The following GLDC variants were observed in gnomAD, a reference collection of about 807,000 sequenced individuals.
The protein encoded by GLDC is glycine dehydrogenase (decarboxylating), mitochondrial.
Under a neutral mutation model 121.3 loss-of-function variants are expected in GLDC, and 104 were observed. The ratio of observed to expected loss-of-function variants is 0.86; its 90% CI spans 0.73 to 1.01. The LOEUF is 1.01. GLDC is among the 50% of genes least tolerant of loss of function. The pLI is 0.00. For missense variants in GLDC, 1,429 were observed against 1,306.6 expected, an observed-to-expected ratio of 1.09 and a Z score of -1.44; for synonymous variants, 546 against 480.6, an observed-to-expected ratio of 1.14 and a Z score of -1.78.
At chr9:6,610,597 T>G (rs899068675) in intron 3 of GLDC, among the ~76,000 whole-genome samples, 2 of 152,208 alleles carry the variant, frequency 1.3e-5, no homozygotes, top group African/African-American at 4.8e-5. Context: ...GTTGTTTTTT[T>G]GTTTTTTGTT....
Position 6,532,790 on chromosome 9 carries a change from C to T in GLDC, c.*227G>A. Reference sequence around the variant, plus strand: ...AACACAAAATGGCTCCCAATCCAGGCAACTGGCACATGTGGAAGCAGAATA... The same window carrying T: ...AACACAAAATGGCTCCCAATCCAGGTAACTGGCACATGTGGAAGCAGAATA... On this transcript the variant is annotated 3_prime_UTR_variant, in exon 25 of 25. Coordinates refer to ENST00000321612, the MANE Select transcript of GLDC (RefSeq NM_000170.3). 1.8e-6 allele frequency: 1 copy of T among 540,838 alleles called. No individual in the cohort carries two copies. Among genetic ancestry groups the T allele is most frequent in the Non-Finnish European group, 3.3e-6 (1 of 300,286 alleles). The allele number at this position is 540,838 out of a possible 1,614,324, so 33.5% of individuals were successfully genotyped here. A position where few individuals can be genotyped will look rare whatever the true frequency, so the allele number is the denominator to read the frequency against.
At chr9:6,605,561 C>T (rs1051587200) in intron 5 of GLDC, among the ~76,000 whole-genome samples, 3 of 152,126 alleles carry the variant, frequency 2.0e-5, no homozygotes, top group African/African-American at 7.2e-5. Context: ...GCATTGCTTC[C>T]TAGGGCTAAT....
intron 21 of GLDC, among the ~76,000 whole-genome samples, chr9:6,547,746 C>T (rs756290809): frequency 1.8e-4 from 27 of 152,300 alleles, no homozygotes; most frequent in Middle Eastern, 3.4e-3. Flanking sequence ...CATGGCACAT[C>T]TACACAATGG....
intron 17 of GLDC, among the ~76,000 whole-genome samples, chr9:6,557,293 T>C (rs934322762): frequency 6.6e-6 from 1 of 152,170 alleles, no homozygotes; most frequent in Admixed American, 6.5e-5. Flanking sequence ...ACTATTGTCA[T>C]TTAAAAAGAT....
intron 4 of GLDC, among the ~76,000 whole-genome samples, chr9:6,607,443 C>G (rs1439622453): frequency 6.6e-6 from 1 of 151,600 alleles, no homozygotes; most frequent in Admixed American, 6.6e-5. Flanking sequence ...CGTAGCCAGG[C>G]ATGGTGGTGC....
chr9:6,554,577 C>T, intron 19 of GLDC, 92 bp downstream of exon 19: 4 of 903,438 alleles, frequency 4.4e-6, no homozygotes, highest in South Asian at 1.4e-5. Flanking sequence ...ATCCTCAACA[C>T]ATGAAGACTT....
chr9:6,609,979 C>T (rs983304263), intron 4 of GLDC, among the ~76,000 whole-genome samples: 1 of 152,142 alleles, frequency 6.6e-6, no homozygotes, highest in East Asian at 1.9e-4. Context: ...CTTCCCCAAC[C>T]CCAACCAAAA....
intron 21 of GLDC, among the ~76,000 whole-genome samples, chr9:6,545,663 CAG>C (rs1339079571): frequency 6.6e-6 from 1 of 152,106 alleles, no homozygotes; most frequent in Non-Finnish European, 1.5e-5. Flanking sequence ...ATTTTTGAGA[CAG>C]AGTCTCAATC....
intron 15 of GLDC, among the ~76,000 whole-genome samples, chr9:6,571,678 G>C (rs918030502): frequency 6.6e-6 from 1 of 152,138 alleles, no homozygotes; most frequent in Non-Finnish European, 1.5e-5. Flanking sequence ...AGATGCTGCA[G>C]GGTTTCATCA....
At chr9:6,548,713 C>G (rs1227342530) in intron 21 of GLDC, among the ~76,000 whole-genome samples, 1 of 152,190 alleles carries the variant, frequency 6.6e-6, no homozygotes, top group Non-Finnish European at 1.5e-5. Flanking sequence ...GTCTGTCTCT[C>G]TGATCTAAGC....
chr9:6,639,585 G>A (rs1819583526), intron 2 of GLDC: 4 of 738,744 alleles, frequency 5.4e-6, no homozygotes, highest in Non-Finnish European at 7.4e-6. Context: ...TGCTTTGGAT[G>A]TTGCCAACAA....
intron 1 of GLDC, among the ~76,000 whole-genome samples, 190 bp downstream of exon 1, chr9:6,645,055 G>T (rs1819712848): frequency 6.6e-6 from 1 of 152,256 alleles, no homozygotes; most frequent in African/African-American, 2.4e-5. Flanking sequence ...GCAGGAGAAA[G>T]TAAGCTGTTA....
intron 8 of GLDC, among the ~76,000 whole-genome samples, 192 bp from the exon 9 acceptor site, chr9:6,595,311 C>T (rs1226127590): frequency 6.6e-6 from 1 of 152,208 alleles, no homozygotes; most frequent in East Asian, 1.9e-4. Flanking sequence ...TCATCCAAGA[C>T]ACCCTGGAGT....
rs1262739023 is a variant in GLDC at position 6,600,377 on chromosome 9, G to GAAA, written c.1155+1729_1155+1731dup. Among the ~76,000 whole-genome samples, 34 of 111,216 alleles carry GAAA rather than the reference G, an allele frequency of 3.1e-4. 4 individuals are homozygous for GAAA. Among genetic ancestry groups the GAAA allele is most frequent in the Admixed American group, 2.5e-3 (26 of 10,482 alleles). 73.0% of individuals were successfully genotyped at this position (111,216 alleles called of 152,430 possible). A position where few individuals can be genotyped will look rare whatever the true frequency, so the allele number is the denominator to read the frequency against. On this transcript the variant is annotated intron_variant, in intron 8 of 24. Coordinates refer to ENST00000321612, the MANE Select transcript of GLDC (RefSeq NM_000170.3). The stretch of plus-strand genomic sequence containing the variant: ...ACAACAGAGCAAGAATCTGTCTCAA[G>GAAA]AAAAAAAAAAAAAAAGAAGCCAGGT...
chr9:6,574,328 G>A (rs879773034), intron 15 of GLDC, among the ~76,000 whole-genome samples: 15 of 151,998 alleles, frequency 9.9e-5, no homozygotes, highest in Admixed American at 5.9e-4. Flanking sequence ...TTAGCTGGGC[G>A]TGGTGGCGGG....
At chr9:6,555,235 C>T (rs1048724677) in intron 18 of GLDC, among the ~76,000 whole-genome samples, 18 of 152,140 alleles carry the variant, frequency 1.2e-4, no homozygotes, top group Non-Finnish European at 1.5e-5. Context: ...ATGGAAGGGG[C>T]TGCGGGGGCA....
Position 6,622,898 on chromosome 9 carries a change from G to A in GLDC, c.335-2579C>T, listed in dbSNP as rs143360834. 16 of 194,488 alleles carry A rather than the reference G, an allele frequency of 8.2e-5. 1 individual carries two copies. The highest frequency in any genetic ancestry group is 6.8e-5 in the South Asian group (1 of 14,676). The allele number at this position is 194,488 out of a possible 1,614,324, so 12.0% of individuals were successfully genotyped here. A position where few individuals can be genotyped will look rare whatever the true frequency, so the allele number is the denominator to read the frequency against. On this transcript the variant is annotated intron_variant, in intron 2 of 24. Transcript: ENST00000321612. ...GGGGAGCGCCTCTGCCCCGCCGCCC[G>A]GTCTGGGATGTGAGGAGCACCTCTG... is the stretch of plus-strand genomic sequence containing the variant.
intron 18 of GLDC, among the ~76,000 whole-genome samples, chr9:6,555,490 C>A (rs1028245302): frequency 6.6e-6 from 1 of 151,808 alleles, no homozygotes; most frequent in Non-Finnish European, 1.5e-5. Context: ...AAAAAGAGGT[C>A]GGGCGTGGTG....
chr9:6,614,858 T>A (rs1341991944), intron 3 of GLDC, among the ~76,000 whole-genome samples: 2 of 152,190 alleles, frequency 1.3e-5, no homozygotes. Flanking sequence ...AGCCTATCAC[T>A]CCCAGGCTAC....
Sources: allele counts gnomAD v4.1 joint callset (sites outside exome capture counted in the v4.1 genomes callset), GRCh38; gene constraint gnomAD v4.1.1; transcripts MANE v1.5; gene names NCBI Gene and HGNC (gene_info 2026-07-23, HGNC 2026-07-21).